Variants in NRXN1 observed in about 807,000 individuals in gnomAD.
The protein encoded by NRXN1 is neurexin-1.
Under a neutral mutation model 150.9 loss-of-function variants are expected in NRXN1, and 39 were observed. That is an observed-to-expected ratio of 0.26 (90% CI 0.20 to 0.34). The LOEUF (loss-of-function observed/expected upper bound fraction) is 0.34, where lower values mean the gene tolerates loss of function less well. Among genes scored for constraint, NRXN1 ranks in the 10% least tolerant of loss-of-function variants. The probability of loss-of-function intolerance (pLI) is 1.00; values close to 1 mark genes in which losing one functional copy is unlikely to be tolerated. For missense variants in NRXN1, 1,815 were observed against 1,949.9 expected (o/e 0.93, Z 1.30); for synonymous variants, 924 against 757.0 (o/e 1.22, Z -3.62).
intron 21 of NRXN1, chr2:49,969,578 A>G (rs1450378510): frequency 1.3e-5 from 2 of 152,066 alleles, no homozygotes; most frequent in Non-Finnish European, 2.9e-5. Context: ...TATATAATCT[A>G]TACATTTGCA....
intron 8 of NRXN1, among the ~76,000 whole-genome samples, chr2:50,604,609 A>C (rs564026389): frequency 2.6e-5 from 4 of 152,036 alleles, no homozygotes; most frequent in Non-Finnish European, 5.9e-5. Flanking sequence ...TCTTATCTCT[A>C]TTTTTGTTTA....
intron 12 of NRXN1, among the ~76,000 whole-genome samples, chr2:50,518,652 T>TC (rs1043192126): frequency 1.3e-5 from 2 of 151,274 alleles, no homozygotes; most frequent in African/African-American, 4.9e-5. Context: ...CAAATGCATT[T>TC]TTTTAAAATT....
At chr2:50,201,830 C>A (rs2062188374) in intron 18 of NRXN1, among the ~76,000 whole-genome samples, 1 of 152,194 alleles carries the variant, frequency 6.6e-6, no homozygotes, top group South Asian at 2.1e-4. Flanking sequence ...AGGGCTGGAA[C>A]ATTAGCTTCC....
At chr2:50,961,748 T>C (rs543039815) in intron 2 of NRXN1, among the ~76,000 whole-genome samples, 27 of 151,766 alleles carry the variant, frequency 1.8e-4, no homozygotes, top group African/African-American at 6.3e-4. Context: ...TGACCCCAAA[T>C]GGCAATCCAG....
At chr2:50,664,971 GA>G (rs972383414) in intron 5 of NRXN1, among the ~76,000 whole-genome samples, 3 of 151,762 alleles carry the variant, frequency 2.0e-5, no homozygotes, top group Non-Finnish European at 4.4e-5. Context: ...TTTCAGAAGA[GA>G]AAAAACAAAT....
chr2:50,620,271 TG>T (rs1679775642), intron 7 of NRXN1, 88 bp from the exon 8 acceptor site: 3 of 1,403,298 alleles, frequency 2.1e-6, no homozygotes, highest in South Asian at 2.8e-5. Flanking sequence ...GTTTTGCTTT[TG>T]TTTTTTTGTT....
At chr2:50,340,853 C>A (rs1430030983) in intron 17 of NRXN1, among the ~76,000 whole-genome samples, 3 of 152,148 alleles carry the variant, frequency 2.0e-5, no homozygotes, top group Non-Finnish European at 2.9e-5. Flanking sequence ...AAGAGGCACA[C>A]ACTGTAGCAT....
chr2:50,497,771 T>C (rs576206420), intron 13 of NRXN1, 57 bp from the exon 14 acceptor site: 16 of 1,479,830 alleles, frequency 1.1e-5, no homozygotes, highest in African/African-American at 1.4e-5. Context: ...CTTTCAACTT[T>C]AGGCTTTCAT....
At chr2:50,756,019 C>A (rs1701120272) in intron 5 of NRXN1, among the ~76,000 whole-genome samples, 1 of 151,700 alleles carries the variant, frequency 6.6e-6, no homozygotes, top group East Asian at 1.9e-4. Flanking sequence ...AGTAGGATGG[C>A]CAAGAACAGG....
Position 50,539,266 on chromosome 2 carries a change from T to C in NRXN1, c.1760-630A>G, listed in dbSNP as rs192756041. Among the ~76,000 whole-genome samples the C allele has an allele frequency of 3.3e-4, 51 of 152,342 alleles. 1 individual carries two copies. In the East Asian group the frequency reaches 4.2e-3, roughly 13 times the overall value. On this transcript the variant is annotated intron_variant, in intron 9 of 22. Coordinates refer to ENST00000401669, the MANE Select transcript of NRXN1 (RefSeq NM_001330078.2). Reference sequence around the variant, plus strand: ...AAAATAATACTAGTAATGTACATGGTTTATAATAATCACTGTATAAATGTT... The same window carrying C: ...AAAATAATACTAGTAATGTACATGGCTTATAATAATCACTGTATAAATGTT...
intron 5 of NRXN1, among the ~76,000 whole-genome samples, chr2:50,625,334 G>A (rs1467882187): frequency 6.6e-6 from 1 of 152,034 alleles, no homozygotes; most frequent in Non-Finnish European, 1.5e-5. Flanking sequence ...TATTCACCAG[G>A]AATTGAGCCC....
intron 21 of NRXN1, among the ~76,000 whole-genome samples, chr2:50,050,578 T>C (rs1178597490): frequency 6.6e-6 from 1 of 152,008 alleles, no homozygotes; most frequent in Non-Finnish European, 1.5e-5. Context: ...ATAGACAACA[T>C]TTAAAGGAAG....
chr2:50,175,649 G>GTCTA (rs1451151399), intron 18 of NRXN1, among the ~76,000 whole-genome samples: 1 of 151,834 alleles, frequency 6.6e-6, no homozygotes, highest in African/African-American at 2.4e-5. Flanking sequence ...GCACATGCAT[G>GTCTA]TCTATCTATA....
intron 21 of NRXN1, among the ~76,000 whole-genome samples, chr2:49,960,217 G>A (rs1204125496): frequency 6.6e-6 from 1 of 152,152 alleles, no homozygotes; most frequent in East Asian, 1.9e-4. Flanking sequence ...GTTCATACGT[G>A]GAGGTTCAAA....
intron 5 of NRXN1, among the ~76,000 whole-genome samples, chr2:50,828,940 T>C (rs1481643037): frequency 6.6e-5 from 10 of 152,104 alleles, no homozygotes; most frequent in South Asian, 4.1e-4. Flanking sequence ...CTGGGCACCA[T>C]TGAGCACTGA....
intron 2 of NRXN1, among the ~76,000 whole-genome samples, chr2:50,937,039 T>C (rs905388030): frequency 6.6e-6 from 1 of 152,146 alleles, no homozygotes; most frequent in Non-Finnish European, 1.5e-5. Context: ...GGGTCTGTTA[T>C]CACAAATAAG....
chr2:50,500,377 G>C (rs1000960681), intron 13 of NRXN1, among the ~76,000 whole-genome samples: 5 of 152,094 alleles, frequency 3.3e-5, no homozygotes, highest in Admixed American at 6.5e-5. Flanking sequence ...AGTGATGGTA[G>C]ATATATTTGT....
chr2:50,375,847 A>T (rs1247165306), intron 17 of NRXN1, among the ~76,000 whole-genome samples: 1 of 152,046 alleles, frequency 6.6e-6, no homozygotes, highest in Non-Finnish European at 1.5e-5. Flanking sequence ...AAACTAAAAC[A>T]TTTTAAATAA....
intron 18 of NRXN1, among the ~76,000 whole-genome samples, chr2:50,165,431 C>A (rs2059618684): frequency 6.6e-6 from 1 of 152,190 alleles, no homozygotes; most frequent in Admixed American, 6.5e-5. Flanking sequence ...TCACCGCAAC[C>A]TCCGCCTGCC....
Sources: gnomAD v4.1 joint callset for allele counts (sites outside exome capture counted in the v4.1 genomes callset) on GRCh38, gnomAD v4.1.1 for gene constraint, MANE v1.5 for transcripts, NCBI Gene and HGNC (gene_info 2026-07-23, HGNC 2026-07-21) for gene names.